The following ETV6 variants were observed in gnomAD, a reference collection of about 807,000 sequenced individuals.
ETV6 encodes transcription factor ETV6.
ETV6 carries 16 observed loss-of-function variants against 51.1 expected under a neutral mutation model. The ratio of observed to expected loss-of-function variants is 0.31; its 90% confidence interval spans 0.21 to 0.48. ETV6 has a LOEUF of 0.48. Ranked by LOEUF, ETV6 falls within the 20% of genes least tolerant of loss-of-function variation. The pLI, the probability that ETV6 is intolerant of heterozygous loss-of-function variation, is 0.99. For synonymous variants in ETV6, 240 were observed against 224.1 expected (o/e 1.07, Z -0.64); for missense variants, 458 against 594.8 (o/e 0.77, Z 2.39).
intron 1 of ETV6, among the ~76,000 whole-genome samples, chr12:11,711,518 C>A (rs1413177378): frequency 6.6e-6 from 1 of 152,242 alleles, no homozygotes; most frequent in Non-Finnish European, 1.5e-5. Flanking sequence ...CTCTCCTGCA[C>A]TCTCACATAG....
Position 11,869,341 on chromosome 12 carries a change from A to G in ETV6, c.464-83A>G, listed in dbSNP as rs1946840361. The G allele has an allele frequency of 7.7e-7, 1 of 1,291,498 alleles. No homozygotes were observed. Among genetic ancestry groups the G allele is most frequent in the African/African-American group, 1.5e-5 (1 of 67,716 alleles). The allele number at this position is 1,291,498 out of a possible 1,614,324, so 80.0% of individuals were successfully genotyped here. A position where few individuals can be genotyped will look rare whatever the true frequency, so the allele number is the denominator to read the frequency against. ...TTTACACATACCTACACGCTCCTCC[A>G]TTTACCGCCTGTAGAGCCGCAGGGA... On this transcript the variant is annotated intron_variant, in intron 4 of 7. Transcript: ENST00000396373. This position sits in a 1 kb window ranked among gnomAD's most constrained non-coding sequence, Gnocchi z 5.0.
chr12:11,741,854 T>C (rs1265335481), intron 1 of ETV6, among the ~76,000 whole-genome samples: 1 of 152,260 alleles, frequency 6.6e-6, no homozygotes, highest in African/African-American at 2.4e-5. Flanking sequence ...TTTAAGACAG[T>C]GATTCGCAAC....
intron 1 of ETV6, among the ~76,000 whole-genome samples, chr12:11,686,537 T>C (rs539160937): frequency 1.5e-4 from 22 of 151,694 alleles, no homozygotes; most frequent in Non-Finnish European, 2.9e-4. Context: ...CTGTCATGAC[T>C]TTTTTTTTGA....
intron 2 of ETV6, among the ~76,000 whole-genome samples, chr12:11,795,513 T>C (rs1434511617): frequency 1.3e-5 from 2 of 152,236 alleles, no homozygotes; most frequent in African/African-American, 4.8e-5. Context: ...GGAACCATGA[T>C]AGATTATGTA....
chr12:11,782,339 G>A (rs575638014), intron 2 of ETV6, among the ~76,000 whole-genome samples: 5 of 152,144 alleles, frequency 3.3e-5, no homozygotes, highest in South Asian at 2.1e-4. Flanking sequence ...GTTAATCAAT[G>A]TATCTACTCT....
chr12:11,791,028 G>A (rs770760772), intron 2 of ETV6, among the ~76,000 whole-genome samples: 9 of 152,052 alleles, frequency 5.9e-5, no homozygotes, highest in Non-Finnish European at 8.8e-5. Context: ...GCCGTGACTC[G>A]ACTGTCCAGA....
intron 7 of ETV6, among the ~76,000 whole-genome samples, chr12:11,889,532 G>A (rs1268164943): frequency 6.6e-6 from 1 of 152,196 alleles, no homozygotes; most frequent in Non-Finnish European, 1.5e-5. Flanking sequence ...TCATGGACTA[G>A]TGCCATTAAG....
chr12:11,750,716 A>T (rs1490876198), intron 1 of ETV6: 2 of 388,552 alleles, frequency 5.1e-6, no homozygotes, highest in South Asian at 4.0e-5. Flanking sequence ...CTAAAAACAG[A>T]CTGTTTGAAA....
At chr12:11,800,582 C>T (rs969441007) in intron 2 of ETV6, among the ~76,000 whole-genome samples, 3 of 152,106 alleles carry the variant, frequency 2.0e-5, no homozygotes, top group African/African-American at 7.2e-5. Flanking sequence ...TTTTACTCTG[C>T]TTGAGTTCAA....
chr12:11,832,775 A>G (rs1946263219), intron 2 of ETV6, among the ~76,000 whole-genome samples: 1 of 152,218 alleles, frequency 6.6e-6, no homozygotes, highest in Non-Finnish European at 1.5e-5. Flanking sequence ...ATGAGCTTGG[A>G]AAATGTCCAA....
intron 2 of ETV6, among the ~76,000 whole-genome samples, chr12:11,777,133 G>A (rs761887206): frequency 9.9e-5 from 15 of 151,666 alleles, no homozygotes; most frequent in Non-Finnish European, 1.8e-4. Flanking sequence ...CCAGCTACTC[G>A]GGAGGCTGAG....
At chr12:11,701,888 G>A (rs1290920319) in intron 1 of ETV6, among the ~76,000 whole-genome samples, 1 of 152,216 alleles carries the variant, frequency 6.6e-6, no homozygotes, top group Non-Finnish European at 1.5e-5. Context: ...GAGAAGAAAA[G>A]GATGGTGTTC....
intron 4 of ETV6, among the ~76,000 whole-genome samples, chr12:11,868,778 T>G (rs1236532241): frequency 6.6e-6 from 1 of 152,126 alleles, no homozygotes; most frequent in Non-Finnish European, 1.5e-5. Flanking sequence ...GAGAAACCTG[T>G]AAGAACCCTT....
At chr12:11,756,641 C>T (rs969978658) in intron 2 of ETV6, among the ~76,000 whole-genome samples, 2 of 152,202 alleles carry the variant, frequency 1.3e-5, no homozygotes, top group African/African-American at 4.8e-5. Flanking sequence ...CCAGTTCTCA[C>T]CAGGGGACTT....
intron 1 of ETV6, among the ~76,000 whole-genome samples, chr12:11,701,212 G>GCAA (rs1279434071): frequency 6.6e-6 from 1 of 151,888 alleles, no homozygotes; most frequent in Non-Finnish European, 1.5e-5. Context: ...ACATTGTTGT[G>GCAA]CAACCATCAG....
At chr12:11,818,757 A>C (rs928644716) in intron 2 of ETV6, among the ~76,000 whole-genome samples, 1 of 152,038 alleles carries the variant, frequency 6.6e-6, no homozygotes, top group African/African-American at 2.4e-5. Context: ...CTGCTTCTCA[A>C]GCCTTGGGGT....
At chr12:11,773,192 C>CAAA (rs1221154358) in intron 2 of ETV6, among the ~76,000 whole-genome samples, 1 of 79,320 alleles carries the variant, frequency 1.3e-5, no homozygotes, top group African/African-American at 5.0e-5. Flanking sequence ...GACTCCATCT[C>CAAA]AAAAAAAAAA....
chr12:11,761,138 T>C (rs1234760217), intron 2 of ETV6, among the ~76,000 whole-genome samples: 1 of 152,160 alleles, frequency 6.6e-6, no homozygotes, highest in Non-Finnish European at 1.5e-5. Context: ...CCTATTACTC[T>C]TTAAAAGTCT....
intron 1 of ETV6, among the ~76,000 whole-genome samples, chr12:11,690,979 A>C (rs145058106): frequency 6.6e-6 from 1 of 152,224 alleles, no homozygotes; most frequent in East Asian, 1.9e-4. Context: ...AAAACACATA[A>C]ACTGAGTGGC....
Sources: allele counts gnomAD v4.1 joint callset (sites outside exome capture counted in the v4.1 genomes callset), GRCh38; gene constraint gnomAD v4.1.1; non-coding constraint Gnocchi (gnomAD v3.1); transcripts MANE v1.5; gene names NCBI Gene and HGNC (gene_info 2026-07-23, HGNC 2026-07-21).